MGST2: variants seen among roughly 807,000 people sequenced by gnomAD.
MGST2 encodes the protein microsomal glutathione S-transferase 2.
In MGST2, 9 loss-of-function variants were observed where a neutral mutation model predicts 16.6. That is an observed-to-expected ratio of 0.54 (90% CI 0.33 to 0.95). MGST2 has a LOEUF of 0.95. MGST2 is among the 40% of genes least tolerant of loss of function. The pLI is 0.03. For synonymous variants in MGST2, 79 were observed against 68.0 expected (o/e 1.16, Z -0.79); for missense variants, 159 against 175.1 (o/e 0.91, Z 0.52).
chr4:139,747,960 A>G, the MGST2 span, among the ~76,000 whole-genome samples: 1 of 150,304 alleles, frequency 6.7e-6, no homozygotes, highest in Non-Finnish European at 1.5e-5. Flanking sequence ...AGGCTGAGGC[A>G]GGAGAATTGC....
At chr4:139,686,844 T>G (rs147500073) in intron 2 of MGST2, among the ~76,000 whole-genome samples, 1 of 152,282 alleles carries the variant, frequency 6.6e-6, no homozygotes, top group Non-Finnish European at 1.5e-5. Flanking sequence ...CGGGAGGAAA[T>G]TCCGGATCTT....
intron 2 of MGST2, among the ~76,000 whole-genome samples, chr4:139,681,663 T>A (rs922503191): frequency 2.6e-4 from 40 of 152,350 alleles, no homozygotes; most frequent in African/African-American, 5.5e-4. Context: ...ATTATAATTT[T>A]AAAAATTCTC....
chr4:139,673,248 C>T (rs8192038), intron 1 of MGST2, among the ~76,000 whole-genome samples: 2,728 of 152,146 alleles, frequency 0.018, 38 homozygotes, highest in Non-Finnish European at 0.027. Flanking sequence ...CCCAACTGAA[C>T]GTGGGTCCAT....
At chr4:139,736,762 T>C (rs1381164380) in intron 5 of MGST2, among the ~76,000 whole-genome samples, 2 of 152,114 alleles carry the variant, frequency 1.3e-5, no homozygotes, top group Non-Finnish European at 2.9e-5. Context: ...ATTAGAACTT[T>C]TGGGGGTGTT....
chr4:139,721,290 G>A (rs1453132), intron 5 of MGST2, among the ~76,000 whole-genome samples: 32,978 of 152,108 alleles, frequency 0.22, 3,717 homozygotes, highest in Admixed American at 0.26. Context: ...AACAGCCAAG[G>A]GAATGGAAAT....
chr4:139,670,042 T>A (rs1236415703), intron 1 of MGST2, among the ~76,000 whole-genome samples: 1 of 152,102 alleles, frequency 6.6e-6, no homozygotes, highest in Non-Finnish European at 1.5e-5. Flanking sequence ...TAATGAGGTC[T>A]GAGGGAGGAG....
rs757767876 is a variant in MGST2, at chr4:139,666,111, TGTGTGCGTGTGTG to T, written c.58+35_58+47del. 1.8e-5 allele frequency: 25 copies of T among 1,358,328 alleles called. No homozygotes were observed. In the South Asian group the frequency reaches 3.4e-4, roughly 18 times the overall value. The allele number at this position is 1,358,328 out of a possible 1,614,324, so 84.1% of individuals were successfully genotyped here. ...CATGGGAAGTTCGTGTGTGTGCGCG[TGTGTGCGTGTGTG>T]TGTGTGTGTGACAAGGCTTGCGGGA... On this transcript the variant is annotated intron_variant, in intron 1 of 4. Coordinates refer to ENST00000265498, the MANE Select transcript of MGST2 (RefSeq NM_002413.5).
chr4:139,711,788 C>T (rs1743159020), intron 5 of MGST2, among the ~76,000 whole-genome samples: 1 of 152,204 alleles, frequency 6.6e-6, no homozygotes. Context: ...GAGTTGCCGC[C>T]TCTGACATTT....
chr4:139,685,703 G>A (rs1235993363), intron 2 of MGST2, among the ~76,000 whole-genome samples: 1 of 152,092 alleles, frequency 6.6e-6, no homozygotes, highest in East Asian at 1.9e-4. Context: ...TCACTCTGTC[G>A]CCCATACTGG....
the MGST2 span, among the ~76,000 whole-genome samples, chr4:139,747,575 T>C: frequency 6.6e-6 from 1 of 152,034 alleles, no homozygotes; most frequent in Non-Finnish European, 1.5e-5. Context: ...GTGCCTGTAA[T>C]CCCAGCTACT....
chr4:139,719,229 A>T (rs943382031), intron 5 of MGST2: 3 of 1,446,982 alleles, frequency 2.1e-6, no homozygotes. Flanking sequence ...ACGTGGGTCA[A>T]AAAAACAAAA....
chr4:139,716,869 T>C (rs555460616), intron 5 of MGST2: 1 of 152,718 alleles, frequency 6.5e-6, no homozygotes, highest in Admixed American at 6.5e-5. Flanking sequence ...TAAGCAATGC[T>C]CAATGTACAA....
chr4:139,742,149 CTTTT>C (rs67056013), downstream of MGST2, among the ~76,000 whole-genome samples: 6 of 113,682 alleles, frequency 5.3e-5, no homozygotes, highest in Admixed American at 9.0e-5. Context: ...CTTTTCTTTT[CTTTT>C]TTTTTTTTTT....
chr4:139,719,249 G>A, intron 5 of MGST2: 4 of 1,484,534 alleles, frequency 2.7e-6, no homozygotes, highest in Middle Eastern at 1.9e-4. Flanking sequence ...AAACAAGGAT[G>A]GGTCAACATC....
At chr4:139,675,608 A>C (rs1036892747) in intron 1 of MGST2, among the ~76,000 whole-genome samples, 1 of 152,254 alleles carries the variant, frequency 6.6e-6, no homozygotes, top group African/African-American at 2.4e-5. Flanking sequence ...ATTGGCCCAC[A>C]GGGAGTAAGA....
At chr4:139,698,047 T>A in intron 3 of MGST2, 1 of 730,642 alleles carries the variant, frequency 1.4e-6, no homozygotes, top group South Asian at 1.9e-5. Flanking sequence ...TTTGACCCCA[T>A]GGAAAAAAAT....
intron 5 of MGST2, among the ~76,000 whole-genome samples, chr4:139,712,866 A>G (rs2110930626): frequency 6.6e-6 from 1 of 152,376 alleles, no homozygotes; most frequent in South Asian, 2.1e-4. Flanking sequence ...CATTTCTCCA[A>G]TTGTGTCCTG....
intron 5 of MGST2, among the ~76,000 whole-genome samples, chr4:139,727,395 A>G (rs970390567): frequency 1.3e-5 from 2 of 152,222 alleles, no homozygotes; most frequent in Non-Finnish European, 2.9e-5. Flanking sequence ...AACTTCCCAT[A>G]TAATATAAGA....
chr4:139,752,456 G>C, the MGST2 span, among the ~76,000 whole-genome samples: 1 of 152,086 alleles, frequency 6.6e-6, no homozygotes, highest in Admixed American at 6.6e-5. Flanking sequence ...CTCTCTCTGT[G>C]CTCACAACCC....
Sources: allele counts gnomAD v4.1 joint callset (sites outside exome capture counted in the v4.1 genomes callset), GRCh38; gene constraint gnomAD v4.1.1; transcripts MANE v1.5; gene names NCBI Gene and HGNC (gene_info 2026-07-23, HGNC 2026-07-21).